MGST3: variants seen among roughly 807,000 people sequenced by gnomAD.
MGST3 encodes the protein microsomal glutathione S-transferase 3.
In MGST3, 13 loss-of-function variants were observed where a neutral mutation model predicts 15.8. The ratio of observed to expected loss-of-function variants is 0.82; its 90% CI spans 0.54 to 1.31. The LOEUF (loss-of-function observed/expected upper bound fraction) is 1.31. MGST3 is among the 50% of genes most tolerant of loss of function. The pLI is 0.00. For synonymous variants in MGST3, 49 were observed against 68.1 expected (o/e 0.72, Z 1.38); for missense variants, 155 against 192.4 (o/e 0.81, Z 1.15).
chr1:165,647,157 A>G (rs977565260), intron 1 of MGST3: 2 of 152,210 alleles, frequency 1.3e-5, no homozygotes, highest in Non-Finnish European at 2.9e-5. Context: ...ATACCTTAAC[A>G]AAGTGTGAGG....
At chr1:165,652,619 A>G (rs1331598401) in intron 4 of MGST3, among the ~76,000 whole-genome samples, 1 of 152,202 alleles carries the variant, frequency 6.6e-6, no homozygotes. Context: ...CTGAGATGAT[A>G]GTTAAGCAAG....
At chr1:165,635,789 A>G (rs1331258056) in intron 1 of MGST3, 1 of 152,212 alleles carries the variant, frequency 6.6e-6, no homozygotes, top group African/African-American at 2.4e-5. Context: ...TCCACCAGCA[A>G]CATTGATGAA....
intron 1 of MGST3, among the ~76,000 whole-genome samples, chr1:165,643,579 A>G (rs1204130742): frequency 6.6e-6 from 1 of 150,966 alleles, no homozygotes. Context: ...GAAAAAATAT[A>G]CATAGGCTGG....
intron 3 of MGST3, 137 bp from the exon 4 acceptor site, chr1:165,651,841 G>A (rs1490187033): frequency 2.1e-5 from 13 of 609,676 alleles, no homozygotes; most frequent in Non-Finnish European, 3.4e-5. Flanking sequence ...GTTGCAGTGA[G>A]CTGAGATCAT....
chr1:165,646,499 T>C (rs1021908660), intron 1 of MGST3: 1 of 152,244 alleles, frequency 6.6e-6, no homozygotes, highest in Non-Finnish European at 1.5e-5. Context: ...TTTCTTAAGA[T>C]TTCTCTTTCT....
At chr1:165,645,515 A>T (rs926497751) in intron 1 of MGST3, 2 of 152,194 alleles carry the variant, frequency 1.3e-5, no homozygotes, top group Admixed American at 1.3e-4. Flanking sequence ...CTATAATGCT[A>T]AAAAGTATAG....
intron 1 of MGST3, chr1:165,646,954 G>A (rs542245257): frequency 2.0e-5 from 3 of 152,302 alleles, no homozygotes; most frequent in East Asian, 1.9e-4. Context: ...TGGCTCGTGC[G>A]GGGGACCCTC....
intron 1 of MGST3, among the ~76,000 whole-genome samples, chr1:165,643,429 A>G (rs1648310421): frequency 6.6e-6 from 1 of 152,062 alleles, no homozygotes; most frequent in Non-Finnish European, 1.5e-5. Flanking sequence ...ATTAAAAAGA[A>G]TATTACTGGC....
Position 165,654,365 on chromosome 1 carries a change from G to T in MGST3, c.322+14G>T, listed in dbSNP as rs759092309. 3 of 1,611,762 alleles carry T rather than the reference G, an allele frequency of 1.9e-6. No individual in the cohort carries two copies. Among genetic ancestry groups the T allele is most frequent in the South Asian group, 2.2e-5 (2 of 91,014 alleles). On this transcript the variant is annotated intron_variant, in intron 5 of 5. Coordinates refer to ENST00000367889, the MANE Select transcript of MGST3 (RefSeq NM_004528.4). ...ATTACACGGGAGGTTAGTATATATT[G>T]ACATTTGCCAAGGAAACAACTTTAA...
At chr1:165,635,181 A>C (rs1571146814) in intron 1 of MGST3, among the ~76,000 whole-genome samples, 1 of 152,112 alleles carries the variant, frequency 6.6e-6, no homozygotes, top group East Asian at 1.9e-4. Context: ...TGGGAAGCTC[A>C]GCTCCAAAGG....
At chr1:165,634,546 T>A (rs573526095) in intron 1 of MGST3, among the ~76,000 whole-genome samples, 1 of 152,262 alleles carries the variant, frequency 6.6e-6, no homozygotes, top group Non-Finnish European at 1.5e-5. Flanking sequence ...TTTCTCTCCT[T>A]CATACAAGTC....
At chr1:165,645,835 T>G (rs981997379) in intron 1 of MGST3, 2 of 152,148 alleles carry the variant, frequency 1.3e-5, no homozygotes, top group African/African-American at 4.8e-5. Flanking sequence ...AAATATTAAT[T>G]TATACTGCTG....
chr1:165,651,246 TTGAC>T lies in MGST3; in HGVS notation c.191+161_191+164del, dbSNP rs1302400773. ...TTCAAAAATTATGTATGTGAACACA[TTGAC>T]TATTAAGCAAACTTAAGAGTGGTTG... On this transcript the variant is annotated intron_variant, in intron 3 of 5. Coordinates refer to ENST00000367889, the MANE Select transcript of MGST3 (RefSeq NM_004528.4). The T allele has an allele frequency of 1.0e-5, 7 of 690,144 alleles. No homozygotes were observed. In the African/African-American group the frequency reaches 1.2e-4, roughly 12 times the overall value. The allele number at this position is 690,144 out of a possible 1,614,324, so 42.8% of individuals were successfully genotyped here. A position where few individuals can be genotyped will look rare whatever the true frequency, so the allele number is the denominator to read the frequency against.
chr1:165,652,163 T>G, intron 4 of MGST3, 128 bp downstream of exon 4: 1 of 752,578 alleles, frequency 1.3e-6, no homozygotes, highest in African/African-American at 1.7e-5. Context: ...TAAAAGGATT[T>G]TATTCAATTA....
rs1373681586 is a variant in MGST3, at chr1:165,638,604, C to T, written c.-8+7311C>T. ...TTCAAGACCAGCCTGGCCAACATGG[C>T]GAAACCCTGTCTCTACTAAAATACA... On this transcript the variant is annotated intron_variant, in intron 1 of 5. Coordinates refer to ENST00000367889, the MANE Select transcript of MGST3 (RefSeq NM_004528.4). Among the ~76,000 whole-genome samples, 5 of 151,818 alleles carry T rather than the reference C, an allele frequency of 3.3e-5. No homozygotes were observed. In the East Asian group the frequency reaches 5.8e-4, roughly 18 times the overall value.
intron 1 of MGST3, among the ~76,000 whole-genome samples, chr1:165,633,764 G>T (rs982542053): frequency 1.4e-5 from 2 of 145,026 alleles, no homozygotes; most frequent in Non-Finnish European, 3.0e-5. Flanking sequence ...ACTCATTCGA[G>T]ATTTTTTTTT....
intron 1 of MGST3, 171 bp from the exon 2 acceptor site, chr1:165,649,670 T>G (rs1648501447): frequency 1.4e-6 from 1 of 705,072 alleles, no homozygotes; most frequent in Admixed American, 2.5e-5. Flanking sequence ...TTTAAATTAT[T>G]TTATATGGTA....
chr1:165,633,725 A>G (rs1433543505), intron 1 of MGST3, among the ~76,000 whole-genome samples: 1 of 152,102 alleles, frequency 6.6e-6, no homozygotes, highest in African/African-American at 2.4e-5. Flanking sequence ...ATTTCTTGTA[A>G]TAGAAAATTA....
At chr1:165,643,896 A>T (rs891169050) in intron 1 of MGST3, among the ~76,000 whole-genome samples, 13 of 151,990 alleles carry the variant, frequency 8.6e-5, no homozygotes, top group South Asian at 2.1e-4. Context: ...AAAAAATTTT[A>T]AAAATACAGA....
Sources: allele counts gnomAD v4.1 joint callset (sites outside exome capture counted in the v4.1 genomes callset), GRCh38; gene constraint gnomAD v4.1.1; transcripts MANE v1.5; gene names NCBI Gene and HGNC (gene_info 2026-07-23, HGNC 2026-07-21).